Variants in COL1A1 observed in about 807,000 individuals in gnomAD.
The protein encoded by COL1A1 is collagen type I alpha 1 chain, also known as collagen alpha-1(I) chain.
COL1A1 carries 21 observed loss-of-function variants against 195.7 expected under a neutral mutation model. The ratio of observed to expected loss-of-function variants is 0.11; its 90% CI spans 0.08 to 0.15. COL1A1 has a LOEUF of 0.15. Among genes scored for constraint, COL1A1 ranks in the 10% least tolerant of loss-of-function variants. The probability of loss-of-function intolerance (pLI) is 1.00; values close to 1 mark genes in which losing one functional copy is unlikely to be tolerated. For synonymous variants in COL1A1, 749 were observed against 747.3 expected (o/e 1.00, Z -0.04); for missense variants, 1,365 against 2,051.0 (o/e 0.67, Z 6.46).
Position 50,190,544 on chromosome 17 carries a change from G to A in COL1A1, c.2396C>T (p.Pro799Leu), listed in dbSNP as rs758557950. ...PAGPTGARGA[P>L]GDRGEPGPPG... ...TCTTAACAGGTCTTCTGTACTTACG[G>A]GGGCACCACGAGCTCCAGTGGGACC... is the stretch of plus-strand genomic sequence containing the variant. Residue 799 changes from proline (P) to leucine (L), a missense_variant and splice_region_variant, in exon 34 of 51, where the codon CCC becomes CTC. Around this residue, in one of 5 missense-constraint regions of COL1A1, gnomAD observed 671 missense variants for 1,099.9 expected, o/e 0.61. Coordinates refer to ENST00000225964, the MANE Select transcript of COL1A1 (RefSeq NM_000088.4). This position sits in a 1 kb window ranked among gnomAD's most constrained non-coding sequence, Gnocchi z 4.7. The A allele has an allele frequency of 1.4e-5, 23 of 1,612,582 alleles. No individual in the cohort carries two copies. The highest frequency in any genetic ancestry group is 1.9e-5 in the Non-Finnish European group (22 of 1,179,036).
chr17:50,196,112 C>G lies in COL1A1; in HGVS notation c.1002+43G>C, dbSNP rs201606377. 75 of 1,613,078 alleles carry G rather than the reference C, an allele frequency of 4.6e-5. No homozygotes were observed. The East Asian group carries it at 1.6e-3, about 34-fold the overall frequency. On this transcript the variant is annotated intron_variant, in intron 15 of 50. Transcript: ENST00000225964. ...CAGCCCCAAGAGCAGATACTGAGAC[C>G]CCTCCCCACTCCCAGGCCCTGAGGC... is the stretch of plus-strand genomic sequence containing the variant.
At chr17:50,191,761 C>G (rs1479729300) in intron 31 of COL1A1, 27 bp downstream of exon 31, 1 of 1,556,282 alleles carries the variant, frequency 6.4e-7, no homozygotes, top group East Asian at 2.4e-5. Flanking sequence ...GGGCCACTTG[C>G]CAGAGCCCCT....
intron 25 of COL1A1, chr17:50,193,435 T>C: frequency 2.9e-6 from 1 of 345,838 alleles, no homozygotes. Context: ...GACAGAGCAG[T>C]GGTCATGGAG....
chr17:50,196,800 C>T (rs1907632290), intron 11 of COL1A1, 130 bp from the exon 12 acceptor site: 1 of 1,195,272 alleles, frequency 8.4e-7, no homozygotes, highest in Admixed American at 1.7e-5. Flanking sequence ...CTAGACTAAA[C>T]CCCAACTGGC....
In COL1A1 at chr17:50,194,602, G is replaced by A. The variant is rs1472812410; in HGVS notation, c.1486C>T (p.Pro496Ser). ...GGACCAGCAACACCATCTGCGCCAG[G>A]GAAACCACGGCTACCAGGTCCACCC... ...ERGGPGSRGF[P>S]GADGVAGPKG... Residue 496 changes from proline to serine, a missense_variant, in exon 22 of 51, where the codon CCT becomes TCT. Around this residue, in one of 5 missense-constraint regions of COL1A1, gnomAD observed 671 missense variants for 1,099.9 expected, o/e 0.61. Coordinates refer to ENST00000225964, the MANE Select transcript of COL1A1 (RefSeq NM_000088.4). This position sits in a 1 kb window ranked among gnomAD's most constrained non-coding sequence, Gnocchi z 6.8. The A allele has an allele frequency of 6.4e-7, 1 of 1,572,134 alleles. No individual in the cohort carries two copies. The highest frequency in any genetic ancestry group is 8.6e-7 in the Non-Finnish European group (1 of 1,158,482).
In COL1A1 at chr17:50,194,847, A is replaced by G. The variant is rs1390245672; in HGVS notation, c.1354-19T>C. 1 of 1,569,500 alleles carries G rather than the reference A, an allele frequency of 6.4e-7. No homozygotes were observed. Among genetic ancestry groups the G allele is most frequent in the Non-Finnish European group, 8.6e-7 (1 of 1,156,608 alleles). On this transcript the variant is annotated intron_variant, in intron 20 of 50. Transcript: ENST00000225964. This position sits in a 1 kb window ranked among gnomAD's most constrained non-coding sequence, Gnocchi z 6.8. ...CAGGGCCCTGGAGAGGGCCGAGAGGAGGAGGCGGCCTGTGGTGAGGGGCCA... is the reference window on the plus strand; with the variant it reads ...CAGGGCCCTGGAGAGGGCCGAGAGGGGGAGGCGGCCTGTGGTGAGGGGCCA...
In COL1A1 at chr17:50,184,485, A is replaced by G. The variant is rs1001554485; in HGVS notation, c.*1017T>C. On this transcript the variant is annotated 3_prime_UTR_variant, in exon 51 of 51. Transcript: ENST00000225964. The stretch of plus-strand genomic sequence containing the variant: ...ACAAGTCCCCATCCACAAAAAAAAA[A>G]AAAAAAAAAGAAAAATATCAAGGAA... 47 of 230,424 alleles carry G rather than the reference A, an allele frequency of 2.0e-4. 1 individual carries two copies. The highest frequency in any genetic ancestry group is 1.0e-3 in the African/African-American group (47 of 45,248). The allele number at this position is 230,424 out of a possible 1,614,324, so 14.3% of individuals were successfully genotyped here.
At position 50,195,806 on chromosome 17, in the gene COL1A1, G is replaced by A. The variant is rs554392703; in HGVS notation, c.1056+117C>T. On this transcript the variant is annotated intron_variant, in intron 16 of 50. Transcript: ENST00000225964. The surrounding 1 kb of genome is among the most constrained non-coding windows in gnomAD (Gnocchi z 4.3). Reference sequence around the variant, plus strand: ...TCAGAGACGGAGAACCCAGGACAAAGGTGTTAGTGAACGGGCTGCTCTCTT... The same window carrying A: ...TCAGAGACGGAGAACCCAGGACAAAAGTGTTAGTGAACGGGCTGCTCTCTT... 5 of 1,359,578 alleles carry A rather than the reference G, an allele frequency of 3.7e-6. No homozygotes were observed. The highest frequency in any genetic ancestry group is 2.5e-5 in the South Asian group (2 of 80,674). The allele number at this position is 1,359,578 out of a possible 1,614,324, so 84.2% of individuals were successfully genotyped here.
chr17:50,194,058 C>G lies in COL1A1; in HGVS notation c.1669-17G>C. The G allele has an allele frequency of 1.2e-6, 2 of 1,612,496 alleles. No individual in the cohort carries two copies. Among genetic ancestry groups the G allele is most frequent in the Non-Finnish European group, 1.7e-6 (2 of 1,179,180 alleles). On this transcript the variant is annotated splice_polypyrimidine_tract_variant and intron_variant, in intron 24 of 50. Transcript: ENST00000225964. This position sits in a 1 kb window ranked among gnomAD's most constrained non-coding sequence, Gnocchi z 6.8. The stretch of plus-strand genomic sequence containing the variant: ...GGCGGGACCCTAAGGATGGGAGGCA[C>G]GAAAGCAGCAGTGAGGACAGCAGGG...
intron 29 of COL1A1, 119 bp from the exon 30 acceptor site, chr17:50,192,143 C>G: frequency 9.1e-7 from 1 of 1,101,808 alleles, no homozygotes; most frequent in Admixed American, 2.0e-5. Flanking sequence ...CCCTTCTCAG[C>G]ACTGAATTGA....
intron 5 of COL1A1, 24 bp downstream of exon 5, chr17:50,199,202 G>GAC (rs1907843060): frequency 6.9e-7 from 1 of 1,438,932 alleles, no homozygotes; most frequent in African/African-American, 1.4e-5. Context: ...GGGGAGAGTG[G>GAC]ACACACAAGG....
rs1598297120 is a variant in COL1A1, at chr17:50,195,487, C to T, written c.1156-9G>A. ...TCAGCACCAGGGTTTCCCTGTGGCACAGAGAAAGGAGTGTCAGCAACAGGC... is the reference window on the plus strand; with the variant it reads ...TCAGCACCAGGGTTTCCCTGTGGCATAGAGAAAGGAGTGTCAGCAACAGGC... On this transcript the variant is annotated splice_polypyrimidine_tract_variant and intron_variant, in intron 17 of 50. Transcript: ENST00000225964. This position sits in a 1 kb window ranked among gnomAD's most constrained non-coding sequence, Gnocchi z 4.3. The T allele has an allele frequency of 2.5e-6, 4 of 1,614,102 alleles. No individual in the cohort carries two copies. The East Asian group carries it at 8.9e-5, about 36-fold the overall frequency.
Position 50,189,142 on chromosome 17 carries a change from C to T in COL1A1, c.2937+26G>A, listed in dbSNP as rs28403607. ...AGTCCTGTGATGGTTTTTCTCAGGG[C>T]CCCCCAAGGTGAGGGGGGCACTTAC... On this transcript the variant is annotated intron_variant, in intron 40 of 50. Transcript: ENST00000225964. The surrounding 1 kb of genome is among the most constrained non-coding windows in gnomAD (Gnocchi z 5.5). 8.1e-6 allele frequency: 13 copies of T among 1,608,026 alleles called. No individual in the cohort carries two copies. The highest frequency in any genetic ancestry group is 3.3e-5 in the Admixed American group (2 of 59,906).
At position 50,199,544 on chromosome 17, in the gene COL1A1, G is replaced by A; in HGVS notation, c.333+12C>T. On this transcript the variant is annotated intron_variant, in intron 3 of 50. Transcript: ENST00000225964. ...GGCCGCGCAGGGGCAAAATTCGAGG[G>A]CAGGAGATTACCTCGACGCCGGTGG... 3 of 1,614,198 alleles carry A rather than the reference G, an allele frequency of 1.9e-6. No individual in the cohort carries two copies. Among genetic ancestry groups the A allele is most frequent in the Non-Finnish European group, 2.5e-6 (3 of 1,180,010 alleles).
chr17:50,200,521 C>G (rs1907992695), intron 1 of COL1A1, among the ~76,000 whole-genome samples: 1 of 152,220 alleles, frequency 6.6e-6, no homozygotes, highest in Non-Finnish European at 1.5e-5. Flanking sequence ...ACCTAGACAT[C>G]TTAAAAGCCC....
In COL1A1 at chr17:50,193,955, A is replaced by C. The variant is rs1907328065; in HGVS notation, c.1755T>G (p.Pro585=). ...GQAGVMGFPG[P]KGAAGEPGKA... ...ACTTAATACTCACAGCAGCACCTTT[A>C]GGTCCAGGGAATCCCATCACACCAG... Residue 585 remains proline, a synonymous_variant, in exon 25 of 51, where the codon CCT becomes CCG. Transcript: ENST00000225964. 1 of 1,613,898 alleles carries C rather than the reference A, an allele frequency of 6.2e-7. No homozygotes were observed. The highest frequency in any genetic ancestry group is 1.3e-5 in the African/African-American group (1 of 74,906).
chr17:50,198,797 T>A, intron 5 of COL1A1: 1 of 497,106 alleles, frequency 2.0e-6, no homozygotes, highest in Non-Finnish European at 3.7e-6. Context: ...ACATGATGAT[T>A]AAACGCAATA....
At chr17:50,198,660 C>T in intron 5 of COL1A1, 156 bp from the exon 6 acceptor site, 1 of 693,908 alleles carries the variant, frequency 1.4e-6, no homozygotes. Context: ...TGCATCCCTG[C>T]ATCTAATCTA....
intron 26 of COL1A1, 70 bp from the exon 27 acceptor site, chr17:50,192,920 C>G (rs953297960): frequency 6.2e-7 from 1 of 1,611,514 alleles, no homozygotes; most frequent in African/African-American, 1.3e-5. Flanking sequence ...TGGCCTCTAG[C>G]ACCCCTCCTG....
Sources: gnomAD v4.1 joint callset for allele counts (sites outside exome capture counted in the v4.1 genomes callset) on GRCh38, gnomAD v4.1.1 for gene constraint, gnomAD v4.1.1 regional missense constraint, Gnocchi (gnomAD v3.1) non-coding constraint, MANE v1.5 for transcripts, NCBI Gene and HGNC (gene_info 2026-07-23, HGNC 2026-07-21) for gene names.